The following RXFP1 variants were observed in gnomAD, a reference collection of about 807,000 sequenced individuals.
RXFP1 encodes the protein relaxin family peptide receptor 1, also known as relaxin receptor 1.
A neutral mutation model predicts 89.8 loss-of-function variants in RXFP1; 73 were observed. The ratio of observed to expected loss-of-function variants is 0.81; its 90% confidence interval spans 0.67 to 0.99. The LOEUF is 0.99. Ranked by LOEUF, RXFP1 falls within the 50% of genes least tolerant of loss-of-function variation. RXFP1 has a pLI of 0.00. For missense variants in RXFP1, 793 were observed against 895.5 expected, an observed-to-expected ratio of 0.89 and a Z score of 1.46; for synonymous variants, 277 against 305.5, an observed-to-expected ratio of 0.91 and a Z score of 0.97.
intron 14 of RXFP1, among the ~76,000 whole-genome samples, chr4:158,643,133 G>A (rs144959369): frequency 1.1e-3 from 168 of 152,278 alleles, no homozygotes; most frequent in Middle Eastern, 0.01. Context: ...AAGGAAAGAT[G>A]GAGCCTCCAT....
intron 6 of RXFP1, among the ~76,000 whole-genome samples, chr4:158,608,451 CCT>C (rs1488129032): frequency 6.0e-5 from 9 of 150,354 alleles, no homozygotes; most frequent in Admixed American, 6.0e-4. Context: ...AGACCAAGAC[CCT>C]GTCTCTGACA....
intron 1 of RXFP1, among the ~76,000 whole-genome samples, chr4:158,541,692 A>AT (rs1421152348): frequency 6.6e-6 from 1 of 151,892 alleles, no homozygotes; most frequent in African/African-American, 2.4e-5. Context: ...ATACATATAT[A>AT]TTTTTTCTTG....
intron 1 of RXFP1, among the ~76,000 whole-genome samples, chr4:158,547,639 G>T (rs112725045): frequency 3.3e-5 from 5 of 151,768 alleles, no homozygotes; most frequent in Admixed American, 6.6e-5. Flanking sequence ...CAGAGATTCT[G>T]GTATGTTGTG....
At chr4:158,622,523 G>A (rs1765814973) in intron 9 of RXFP1, among the ~76,000 whole-genome samples, 1 of 152,146 alleles carries the variant, frequency 6.6e-6, no homozygotes, top group Non-Finnish European at 1.5e-5. Flanking sequence ...ATATACAATG[G>A]AATACTAGTC....
chr4:158,607,230 C>CAAA, intron 5 of RXFP1: 1 of 833,520 alleles, frequency 1.2e-6, no homozygotes, highest in Non-Finnish European at 2.0e-6. Context: ...AACTCAAGGT[C>CAAA]GTATTTTCAG....
chr4:158,648,654 G>T lies in RXFP1; in HGVS notation c.1912G>T (p.Ala638Ser). The T allele has an allele frequency of 6.2e-7, 1 of 1,612,654 alleles. No homozygotes were observed. The highest frequency in any genetic ancestry group is 1.1e-5 in the South Asian group (1 of 90,748). The change falls in exon 17 of 18, where the codon GCA becomes TCA. Residue 638 changes from alanine (A) to serine (S), a missense_variant. Coordinates refer to ENST00000307765, the MANE Select transcript of RXFP1 (RefSeq NM_021634.4). ...KRFFFIVFTD[A>S]LCWIPIFVVK... ...TTTTTTCTTTATAGTATTTACTGAT[G>T]CATTATGCTGGATACCCATTTTTGT...
At chr4:158,626,408 T>C (rs991016413) in intron 9 of RXFP1, among the ~76,000 whole-genome samples, 4 of 152,132 alleles carry the variant, frequency 2.6e-5, no homozygotes, top group African/African-American at 9.6e-5. Flanking sequence ...TAGAATCTGA[T>C]GCAGACTGTA....
intron 1 of RXFP1, chr4:158,544,406 A>G: frequency 1.0e-6 from 1 of 971,998 alleles, no homozygotes. Flanking sequence ...TCATAGAGGA[A>G]GTAAGTTAGA....
chr4:158,533,777 C>A (rs1210710444), intron 1 of RXFP1, among the ~76,000 whole-genome samples: 1 of 152,166 alleles, frequency 6.6e-6, no homozygotes, highest in African/African-American at 2.4e-5. Context: ...CTGTTGCCCA[C>A]AATGGTTCCT....
chr4:158,554,263 G>A (rs1750778222), intron 1 of RXFP1, among the ~76,000 whole-genome samples: 1 of 152,040 alleles, frequency 6.6e-6, no homozygotes, highest in Non-Finnish European at 1.5e-5. Flanking sequence ...TGAATTATCT[G>A]TAAATAACGT....
At chr4:158,585,561 C>T (rs1418736074) in intron 2 of RXFP1, among the ~76,000 whole-genome samples, 2 of 151,928 alleles carry the variant, frequency 1.3e-5, no homozygotes, top group African/African-American at 4.8e-5. Context: ...ATACTTGGTA[C>T]AAATGAAATA....
chr4:158,574,688 T>C (rs187848168), intron 2 of RXFP1, among the ~76,000 whole-genome samples: 2 of 152,356 alleles, frequency 1.3e-5, no homozygotes, highest in African/African-American at 4.8e-5. Context: ...CTCCCTGATA[T>C]CGAGCTGTAC....
At chr4:158,548,571 T>C (rs1749174295) in intron 1 of RXFP1, among the ~76,000 whole-genome samples, 1 of 152,196 alleles carries the variant, frequency 6.6e-6, no homozygotes, top group Admixed American at 6.6e-5. Flanking sequence ...TTTGGCATGG[T>C]TTTGCAGTGG....
chr4:158,580,562 C>T (rs1036129709), intron 2 of RXFP1, among the ~76,000 whole-genome samples: 1 of 152,098 alleles, frequency 6.6e-6, no homozygotes, highest in African/African-American at 2.4e-5. Flanking sequence ...GCAAAAACTG[C>T]CCTCTGCCTA....
In RXFP1 at chr4:158,616,286, G is replaced by A. The variant is rs557412738; in HGVS notation, c.681-845G>A. On this transcript the variant is annotated intron_variant, in intron 8 of 17. Coordinates refer to ENST00000307765, the MANE Select transcript of RXFP1 (RefSeq NM_021634.4). ...AAAATATAAAAAGAAAAAAATAGCCGGGCATCGTGGCAGGCGTCTGTAATC... is the reference window on the plus strand; with the variant it reads ...AAAATATAAAAAGAAAAAAATAGCCAGGCATCGTGGCAGGCGTCTGTAATC... Among the ~76,000 whole-genome samples the A allele has an allele frequency of 1.7e-4, 26 of 152,006 alleles. 1 individual carries two copies. The South Asian group carries it at 5.0e-3, about 29-fold the overall frequency.
chr4:158,585,713 G>T (rs1758169518), intron 2 of RXFP1, among the ~76,000 whole-genome samples: 1 of 151,956 alleles, frequency 6.6e-6, no homozygotes, highest in Non-Finnish European at 1.5e-5. Context: ...TAGTCACTGA[G>T]GTATACAAAA....
chr4:158,542,109 A>ATATTTTTTTTT, intron 1 of RXFP1, among the ~76,000 whole-genome samples: 3 of 35,240 alleles, frequency 8.5e-5, no homozygotes, highest in African/African-American at 2.8e-4. Context: ...ATATATATAT[A>ATATTTTTTTTT]TTTTTTTTTT....
intron 3 of RXFP1, among the ~76,000 whole-genome samples, chr4:158,598,039 A>G (rs1760967051): frequency 1.3e-5 from 2 of 152,148 alleles, no homozygotes; most frequent in African/African-American, 4.8e-5. Context: ...GAGAGGAAGA[A>G]CACATGTCAC....
At chr4:158,594,787 CA>C (rs1193761313) in intron 3 of RXFP1, among the ~76,000 whole-genome samples, 1 of 151,932 alleles carries the variant, frequency 6.6e-6, no homozygotes, top group Non-Finnish European at 1.5e-5. Flanking sequence ...TTTTAGCTAA[CA>C]ATAAAAACAT....
Sources: allele counts gnomAD v4.1 joint callset (sites outside exome capture counted in the v4.1 genomes callset), GRCh38; gene constraint gnomAD v4.1.1; transcripts MANE v1.5; gene names NCBI Gene and HGNC (gene_info 2026-07-23, HGNC 2026-07-21).